The following GFRA2 variants were observed in gnomAD, a reference collection of about 807,000 sequenced individuals.
The protein encoded by GFRA2 is GDNF family receptor alpha 2, also known as GDNF family receptor alpha-2.
A neutral mutation model predicts 48.3 loss-of-function variants in GFRA2; 17 were observed. That is an observed-to-expected ratio of 0.35 (90% CI 0.24 to 0.53). The LOEUF (loss-of-function observed/expected upper bound fraction) is 0.53. Among genes scored for constraint, GFRA2 ranks in the 20% least tolerant of loss-of-function variants. The pLI is 0.93. For missense variants in GFRA2, 660 were observed against 637.3 expected (o/e 1.04, Z -0.38); for synonymous variants, 305 against 257.2 (o/e 1.19, Z -1.78).
chr8:21,807,169 T>A (rs947918883), intron 1 of GFRA2, among the ~76,000 whole-genome samples: 16 of 152,254 alleles, frequency 1.1e-4, no homozygotes, highest in Non-Finnish European at 2.2e-4. Flanking sequence ...ATTGTCATTA[T>A]AGTAGTATTC....
chr8:21,759,671 T>C (rs1451308084), intron 3 of GFRA2, among the ~76,000 whole-genome samples: 2 of 151,708 alleles, frequency 1.3e-5, no homozygotes, highest in African/African-American at 4.8e-5. Context: ...GGTGGATCAG[T>C]GAAGGCCAGG....
chr8:21,730,985 G>A (rs1005759867), intron 4 of GFRA2, among the ~76,000 whole-genome samples: 1 of 152,128 alleles, frequency 6.6e-6, no homozygotes, highest in Non-Finnish European at 1.5e-5. Flanking sequence ...TGGGACCCGG[G>A]AATTCTGGCC....
At chr8:21,695,982 G>C (rs925345070) in intron 7 of GFRA2, among the ~76,000 whole-genome samples, 8 of 151,984 alleles carry the variant, frequency 5.3e-5, no homozygotes, top group African/African-American at 1.9e-4. Context: ...CTTTCTGGGA[G>C]TCCATGTCTT....
At chr8:21,787,566 C>A (rs1159972472) in intron 1 of GFRA2, among the ~76,000 whole-genome samples, 2 of 152,150 alleles carry the variant, frequency 1.3e-5, no homozygotes, top group Non-Finnish European at 2.9e-5. Context: ...ACGCGGGCTC[C>A]GTTTGCCAGG....
intron 4 of GFRA2, among the ~76,000 whole-genome samples, chr8:21,739,422 C>T (rs570754885): frequency 6.6e-5 from 10 of 152,208 alleles, no homozygotes; most frequent in Non-Finnish European, 1.0e-4. Flanking sequence ...AGTTAGTTAT[C>T]GGCAGGGATA....
At chr8:21,707,653 T>G (rs11997558) in intron 4 of GFRA2, among the ~76,000 whole-genome samples, 1 of 152,054 alleles carries the variant, frequency 6.6e-6, no homozygotes, top group African/African-American at 2.4e-5. Flanking sequence ...TGGGAGACCA[T>G]GCCCAAGTTC....
At chr8:21,721,707 C>A (rs1035970716) in intron 4 of GFRA2, among the ~76,000 whole-genome samples, 4 of 152,054 alleles carry the variant, frequency 2.6e-5, no homozygotes, top group Non-Finnish European at 5.9e-5. Context: ...CCAATTGCAC[C>A]CAAATCCTCT....
intron 7 of GFRA2, among the ~76,000 whole-genome samples, chr8:21,694,988 T>C (rs1252308144): frequency 1.3e-5 from 2 of 152,184 alleles, no homozygotes; most frequent in African/African-American, 4.8e-5. Flanking sequence ...CCATGGCTGA[T>C]GGAGGGCTCT....
At chr8:21,726,011 C>T (rs1195782995) in intron 4 of GFRA2, among the ~76,000 whole-genome samples, 1 of 152,178 alleles carries the variant, frequency 6.6e-6, no homozygotes, top group East Asian at 1.9e-4. Flanking sequence ...GGTTTTGCTG[C>T]CAAGAGGAAA....
chr8:21,791,310 T>C (rs1458837088), upstream of GFRA2, among the ~76,000 whole-genome samples: 1 of 152,096 alleles, frequency 6.6e-6, no homozygotes, highest in African/African-American at 2.4e-5. Context: ...TAAGTGGCCC[T>C]TCTGCGACCC....
chr8:21,787,098 C>T (rs888139810), intron 1 of GFRA2, among the ~76,000 whole-genome samples: 7 of 152,296 alleles, frequency 4.6e-5, no homozygotes, highest in African/African-American at 1.7e-4. Context: ...CACAGCCTTG[C>T]AAACAACCGC....
At chr8:21,781,597 G>A (rs1806988610) in intron 2 of GFRA2, among the ~76,000 whole-genome samples, 1 of 152,066 alleles carries the variant, frequency 6.6e-6, no homozygotes, top group Admixed American at 6.5e-5. Context: ...CGCACCCTGT[G>A]TCTTCCCTCT....
intron 1 of GFRA2, among the ~76,000 whole-genome samples, chr8:21,809,801 T>G (rs1807944461): frequency 6.6e-6 from 1 of 152,192 alleles, no homozygotes; most frequent in Non-Finnish European, 1.5e-5. Flanking sequence ...GTAACTTCCT[T>G]GGGAAGCCCA....
At chr8:21,710,695 G>T (rs894276505) in intron 4 of GFRA2, among the ~76,000 whole-genome samples, 18 of 152,214 alleles carry the variant, frequency 1.2e-4, no homozygotes, top group African/African-American at 4.3e-4. Context: ...TTCAAAGCAG[G>T]CCTGATTGCT....
In GFRA2 at chr8:21,702,885, T is replaced by A; in HGVS notation, c.1138A>T (p.Lys380Ter). The change falls in exon 7 of 9, where the codon AAG (lysine) becomes TAG (stop). Residue 380 changes from lysine to a stop codon, truncating the protein, a stop_gained. Transcript: ENST00000524240. LOFTEE classifies it high-confidence loss of function. ...AGGTCATCTGGCAAAGAAGGCGTCT[T>A]CTCCACCCGAGGGGCCTGGGTGGCC... ...FQATQAPRVE[K>*]TPSLPDDLSD... 1 of 1,607,018 alleles carries A rather than the reference T, an allele frequency of 6.2e-7. No homozygotes were observed. Among genetic ancestry groups the A allele is most frequent in the Non-Finnish European group, 8.5e-7 (1 of 1,176,670 alleles).
At chr8:21,789,471 A>G (rs1807464650), upstream of GFRA2, among the ~76,000 whole-genome samples, 1 of 151,902 alleles carries the variant, frequency 6.6e-6, no homozygotes, top group South Asian at 2.1e-4. Context: ...GGCGTTAGAA[A>G]AACCCCAGCC....
intron 4 of GFRA2, among the ~76,000 whole-genome samples, chr8:21,720,672 G>C (rs1396559581): frequency 6.6e-6 from 1 of 152,070 alleles, no homozygotes; most frequent in Non-Finnish European, 1.5e-5. Flanking sequence ...TTGGTCCTGT[G>C]TTGCTTCCCT....
chr8:21,704,436 G>A (rs1563216754), intron 6 of GFRA2, among the ~76,000 whole-genome samples: 2 of 152,196 alleles, frequency 1.3e-5, no homozygotes, highest in Non-Finnish European at 2.9e-5. Flanking sequence ...GTGCCACACA[G>A]AGAGGGAGGA....
intron 4 of GFRA2, among the ~76,000 whole-genome samples, chr8:21,723,656 C>T (rs1383334737): frequency 6.6e-6 from 1 of 152,164 alleles, no homozygotes; most frequent in Non-Finnish European, 1.5e-5. Flanking sequence ...GAACAGCCCC[C>T]CTCCACCCCG....
Sources: gnomAD v4.1 joint callset for allele counts (sites outside exome capture counted in the v4.1 genomes callset) on GRCh38, gnomAD v4.1.1 for gene constraint, MANE v1.5 for transcripts, NCBI Gene and HGNC (gene_info 2026-07-23, HGNC 2026-07-21) for gene names.